TRMT10B: variants seen among roughly 807,000 people sequenced by gnomAD.
TRMT10B encodes tRNA methyltransferase 10 homolog B.
Under a neutral mutation model 43.8 loss-of-function variants are expected in TRMT10B, and 33 were observed. The observed-to-expected ratio is 0.75, with a 90% CI of 0.57 to 1.01. TRMT10B has a LOEUF of 1.01. Among genes scored for constraint, TRMT10B ranks in the 50% least tolerant of loss-of-function variants. The probability of loss-of-function intolerance (pLI) is 0.00; values close to 1 mark genes in which losing one functional copy is unlikely to be tolerated. For synonymous variants in TRMT10B, 137 were observed against 130.6 expected (o/e 1.05, Z -0.34); for missense variants, 362 against 369.8 (o/e 0.98, Z 0.17).
intron 2 of TRMT10B, 50 bp downstream of exon 2, chr9:37,762,167 A>C: frequency 1.8e-5 from 28 of 1,547,512 alleles, no homozygotes; most frequent in Non-Finnish European, 2.4e-5. Flanking sequence ...GGAATGTCTC[A>C]AGACACCCCT....
upstream of TRMT10B, among the ~76,000 whole-genome samples, chr9:37,752,972 A>G (rs1447955897): frequency 6.6e-6 from 1 of 151,960 alleles, no homozygotes; most frequent in Non-Finnish European, 1.5e-5. Context: ...TTGCTTGCTA[A>G]CCCTTTGGGT....
intron 1 of TRMT10B, among the ~76,000 whole-genome samples, chr9:37,757,595 C>T (rs1229715809): frequency 1.3e-5 from 2 of 152,166 alleles, no homozygotes; most frequent in Non-Finnish European, 2.9e-5. Context: ...TGGTCATCTT[C>T]AGGAATATAT....
At chr9:37,770,044 G>C (rs748580039) in intron 6 of TRMT10B, 25 bp downstream of exon 6, 1 of 1,576,660 alleles carries the variant, frequency 6.3e-7, no homozygotes, top group Non-Finnish European at 8.7e-7. Flanking sequence ...GCATGGATTC[G>C]TATAGCCCAT....
At chr9:37,761,744 T>C (rs1044026048) in intron 1 of TRMT10B, among the ~76,000 whole-genome samples, 159 bp from the exon 2 acceptor site, 5 of 152,272 alleles carry the variant, frequency 3.3e-5, no homozygotes, top group African/African-American at 1.2e-4. Flanking sequence ...TGCTGAATCA[T>C]GTATCTGGAA....
intron 7 of TRMT10B, among the ~76,000 whole-genome samples, chr9:37,774,351 C>T (rs1827908207): frequency 2.0e-5 from 3 of 152,318 alleles, no homozygotes; most frequent in Middle Eastern, 3.4e-3. Flanking sequence ...GTGAGCAGTG[C>T]ATGACTTACA....
Position 37,769,925 on chromosome 9 carries a change from T to G in TRMT10B, c.574-16T>G, listed in dbSNP as rs2118868466. 1 of 1,611,818 alleles carries G rather than the reference T, an allele frequency of 6.2e-7. No homozygotes were observed. Among genetic ancestry groups the G allele is most frequent in the East Asian group, 2.2e-5 (1 of 44,872 alleles). ...GCCGTGAGCTGTTTTAACATCAGAC[T>G]GTTTGCATTTTCCAGTTAGACATAA... On this transcript the variant is annotated splice_polypyrimidine_tract_variant and intron_variant, in intron 5 of 8. Coordinates refer to ENST00000297994, the MANE Select transcript of TRMT10B (RefSeq NM_144964.4).
intron 8 of TRMT10B, among the ~76,000 whole-genome samples, chr9:37,777,031 TAAAA>T (rs1462029937): frequency 6.7e-6 from 1 of 150,282 alleles, no homozygotes; most frequent in Non-Finnish European, 1.5e-5. Flanking sequence ...CCGTCTCTAC[TAAAA>T]ATACAAAAAT....
intron 1 of TRMT10B, among the ~76,000 whole-genome samples, chr9:37,756,674 A>G (rs908663167): frequency 1.3e-5 from 2 of 151,940 alleles, no homozygotes; most frequent in Non-Finnish European, 2.9e-5. Flanking sequence ...CAATGAGATC[A>G]TGCCACTGCG....
intron 4 of TRMT10B, chr9:37,766,960 C>T (rs1827043979): frequency 1.3e-5 from 2 of 152,180 alleles, no homozygotes; most frequent in Non-Finnish European, 2.9e-5. Flanking sequence ...GAGACCTTAT[C>T]TACGGGAGCA....
At chr9:37,765,968 C>T (rs1409345572) in intron 4 of TRMT10B, among the ~76,000 whole-genome samples, 1 of 136,822 alleles carries the variant, frequency 7.3e-6, no homozygotes, top group Non-Finnish European at 1.5e-5. Context: ...ATTGTAGATT[C>T]TGGATATTAG....
At position 37,768,130 on chromosome 9, in the gene TRMT10B, G is replaced by A. The variant is rs749260668; in HGVS notation, c.475G>A (p.Ala159Thr). The change falls in exon 5 of 9, where the codon GCT becomes ACT. Residue 159 changes from alanine to threonine, a missense_variant. Transcript: ENST00000297994. ...AAGGTTGTATGGTTCAAACAAAAAA[G>A]CTGACAGGCCATTTTGGATCTGCCT... ...IRRLYGSNKK[A>T]DRPFWICLTG... is the part of the protein sequence containing the mutation. 1 of 1,614,008 alleles carries A rather than the reference G, an allele frequency of 6.2e-7. No homozygotes were observed. The highest frequency in any genetic ancestry group is 2.2e-5 in the East Asian group (1 of 44,896).
intron 1 of TRMT10B, among the ~76,000 whole-genome samples, chr9:37,757,468 T>C (rs563244991): frequency 4.5e-4 from 68 of 152,326 alleles, no homozygotes; most frequent in African/African-American, 1.6e-3. Context: ...GTAAATACAT[T>C]TAAAAATGTG....
intron 7 of TRMT10B, among the ~76,000 whole-genome samples, chr9:37,772,703 T>C (rs1308516539): frequency 1.3e-5 from 2 of 152,038 alleles, no homozygotes; most frequent in Non-Finnish European, 2.9e-5. Flanking sequence ...AAGAGGTTCG[T>C]CCAGGCACAG....
chr9:37,769,557 C>G (rs1827337944), intron 5 of TRMT10B: 1 of 204,302 alleles, frequency 4.9e-6, no homozygotes, highest in Non-Finnish European at 1.0e-5. Context: ...CCTTGATAAA[C>G]CTAGAGCCAT....
In TRMT10B at chr9:37,769,988, C is replaced by T. The variant is rs753690811; in HGVS notation, c.621C>T (p.Thr207=). ...GCTTTAGTTTATTTCCCTTGGAAAC[C>T]CTTGTGTACCTGACTCCTGACTCAG... The part of the protein sequence containing the change: ...EDCFSLFPLE[T]LVYLTPDSEH... The change falls in exon 6 of 9, where the codon ACC becomes ACT. Residue 207 remains threonine (T), a synonymous_variant. Coordinates refer to ENST00000297994, the MANE Select transcript of TRMT10B (RefSeq NM_144964.4). The T allele has an allele frequency of 1.2e-6, 2 of 1,613,936 alleles. No homozygotes were observed. The highest frequency in any genetic ancestry group is 3.3e-5 in the Admixed American group (2 of 59,996).
At chr9:37,753,970 C>T (rs888966208) in intron 1 of TRMT10B, 118 bp downstream of exon 1, 1 of 152,384 alleles carries the variant, frequency 6.6e-6, no homozygotes, top group Admixed American at 6.5e-5. Flanking sequence ...GTCATGTGGC[C>T]TGTGGTACTC....
intron 7 of TRMT10B, among the ~76,000 whole-genome samples, chr9:37,773,816 G>A (rs1827836116): frequency 6.6e-6 from 1 of 152,096 alleles, no homozygotes; most frequent in Non-Finnish European, 1.5e-5. Context: ...CCTGGTGACA[G>A]AGCGAGACTC....
At chr9:37,768,958 G>A (rs907676553) in intron 5 of TRMT10B, among the ~76,000 whole-genome samples, 8 of 151,982 alleles carry the variant, frequency 5.3e-5, no homozygotes, top group Admixed American at 1.3e-4. Flanking sequence ...TCCTGTCTTC[G>A]TGCCTTTCTT....
At chr9:37,756,725 G>GATAT (rs140692484) in intron 1 of TRMT10B, among the ~76,000 whole-genome samples, 2,758 of 147,116 alleles carry the variant, frequency 0.019, 58 homozygotes, top group East Asian at 0.056. Context: ...ATCTCAAAAA[G>GATAT]ATATATATAT....
Sources: allele counts gnomAD v4.1 joint callset (sites outside exome capture counted in the v4.1 genomes callset), GRCh38; gene constraint gnomAD v4.1.1; transcripts MANE v1.5; gene names NCBI Gene and HGNC (gene_info 2026-07-23, HGNC 2026-07-21).